POU5F1B: variants seen among roughly 807,000 people sequenced by gnomAD.
The protein encoded by POU5F1B is POU class 5 homeobox 1B, also known as POU domain, class 5, transcription factor 1B.
POU5F1B carries 24 observed loss-of-function variants against 28.1 expected under a neutral mutation model. The observed-to-expected ratio is 0.85, with a 90% CI of 0.62 to 1.20. The LOEUF (loss-of-function observed/expected upper bound fraction) is 1.20. Among genes scored for constraint, POU5F1B ranks in the 50% most tolerant of loss-of-function variants. The pLI is 0.00. For missense variants in POU5F1B, 451 were observed against 451.5 expected, an observed-to-expected ratio of 1.00 and a Z score of 0.01; for synonymous variants, 220 against 193.2, an observed-to-expected ratio of 1.14 and a Z score of -1.15.
chr8:127,416,743 C>T lies in POU5F1B; in HGVS notation c.877C>T (p.Gln293Ter). 1.9e-6 allele frequency: 3 copies of T among 1,609,160 alleles called. No individual in the cohort carries two copies. The highest frequency in any genetic ancestry group is 1.1e-5 in the South Asian group (1 of 90,192). ...CAAGCGATCAAGCAGCGACTATGCACAACGAGAGGATTTTGAGGCTGCTGG... is the reference window on the plus strand; with the variant it reads ...CAAGCGATCAAGCAGCGACTATGCATAACGAGAGGATTTTGAGGCTGCTGG... The change falls in exon 3 of 3, where the codon CAA becomes TAA. Residue 293 changes from glutamine to a stop codon, truncating the protein, a stop_gained. Coordinates refer to ENST00000465342, the Ensembl canonical transcript of POU5F1B. LOFTEE classifies it high-confidence loss of function.
At chr8:127,414,664 A>G (rs773186840) in intron 1 of POU5F1B, among the ~76,000 whole-genome samples, 17 of 152,344 alleles carry the variant, frequency 1.1e-4, no homozygotes, top group Non-Finnish European at 1.8e-4. Flanking sequence ...CCAATATTTG[A>G]GTGGCAGAGG....
exon 3 of POU5F1B, chr8:127,416,845 C>T: frequency 6.2e-7 from 1 of 1,602,788 alleles, no homozygotes; most frequent in South Asian, 1.1e-5. Flanking sequence ...CTATGGGAGC[C>T]CTCACTTCAC....
In POU5F1B at chr8:127,415,753, T is replaced by C. The variant is rs1477620622; in HGVS notation, c.-114T>C. ...ATTTAATGATGCTTCAGGCACTGTG[T>C]TCATTGCTAGTGAGCGTATGACACA... On this transcript the variant is annotated 5_prime_UTR_variant, in exon 3 of 3. Transcript: ENST00000465342. The C allele has an allele frequency of 9.8e-6, 14 of 1,426,956 alleles. No homozygotes were observed. The Admixed American group carries it at 4.2e-4, about 43-fold the overall frequency. 88.4% of individuals were successfully genotyped at this position (1,426,956 alleles called of 1,614,324 possible).
chr8:127,414,587 T>G (rs75678987), intron 1 of POU5F1B, among the ~76,000 whole-genome samples: 1 of 152,224 alleles, frequency 6.6e-6, no homozygotes, highest in Non-Finnish European at 1.5e-5. Flanking sequence ...TTACTCAATG[T>G]TTAAACATTT....
intron 1 of POU5F1B, among the ~76,000 whole-genome samples, chr8:127,414,078 G>T (rs1334639475): frequency 6.6e-6 from 1 of 152,224 alleles, no homozygotes; most frequent in Non-Finnish European, 1.5e-5. Flanking sequence ...GGGACTTAAG[G>T]TTGGCAGGAT....
intron 1 of POU5F1B, among the ~76,000 whole-genome samples, chr8:127,413,553 A>G (rs913352956): frequency 6.6e-6 from 1 of 152,198 alleles, no homozygotes; most frequent in African/African-American, 2.4e-5. Context: ...CGGATTCACA[A>G]TTTTTAGTTG....
chr8:127,416,803 C>T (rs1486349137), exon 3 of POU5F1B: 1 of 1,606,030 alleles, frequency 6.2e-7, no homozygotes, highest in Non-Finnish European at 8.5e-7. Context: ...GTCCTTTCCT[C>T]CGGCCCCAGG....
Position 127,416,949 on chromosome 8 carries a change from T to C in POU5F1B, c.*3T>C. 6.3e-7 allele frequency: 1 copy of C among 1,599,346 alleles called. No homozygotes were observed. The highest frequency in any genetic ancestry group is 8.5e-7 in the Non-Finnish European group (1 of 1,172,366). The stretch of plus-strand genomic sequence containing the variant: ...GCTCTCCCATGCATTCAAACTGAGG[T>C]GCCTGCCCTTCTAGGAATGGGGAAC... On this transcript the variant is annotated 3_prime_UTR_variant, in exon 3 of 3. Coordinates refer to ENST00000465342, the Ensembl canonical transcript of POU5F1B.
exon 3 of POU5F1B, chr8:127,415,844 G>T: frequency 2.0e-6 from 3 of 1,501,202 alleles, no homozygotes; most frequent in South Asian, 1.3e-5. Context: ...CCAGGCCCCC[G>T]GCTTGGGGCG....
chr8:127,417,084 G>A, exon 3 of POU5F1B: 2 of 1,218,628 alleles, frequency 1.6e-6, no homozygotes, highest in East Asian at 2.6e-5. Flanking sequence ...GGTGGGGGCA[G>A]GGGAGTTTGG....
At chr8:127,416,223 T>A (rs1199480583) in exon 3 of POU5F1B, 1 of 1,613,674 alleles carries the variant, frequency 6.2e-7, no homozygotes, top group African/African-American at 1.3e-5. Flanking sequence ...CCGTCCCCCC[T>A]GGTGCCGTGA....
exon 3 of POU5F1B, chr8:127,415,835 CA>C: frequency 6.7e-7 from 1 of 1,487,906 alleles, no homozygotes; most frequent in Non-Finnish European, 8.9e-7. Context: ...CTCATTTCAC[CA>C]GGCCCCCGGC....
At chr8:127,413,940 G>A (rs933075926) in intron 1 of POU5F1B, among the ~76,000 whole-genome samples, 3 of 151,982 alleles carry the variant, frequency 2.0e-5, no homozygotes, top group Non-Finnish European at 4.4e-5. Flanking sequence ...CAGGTCTAAA[G>A]GAACAGAAGT....
At chr8:127,416,569 A>C (rs2130628168) in exon 3 of POU5F1B, 1 of 1,605,902 alleles carries the variant, frequency 6.2e-7, no homozygotes, top group Non-Finnish European at 8.5e-7. Flanking sequence ...GAGAAAGCGA[A>C]CCAGTATCGA....
At chr8:127,416,600 T>C (rs781638445) in exon 3 of POU5F1B, 3 of 1,601,596 alleles carry the variant, frequency 1.9e-6, no homozygotes, top group Admixed American at 1.7e-5. Flanking sequence ...AGAGGCAACC[T>C]GGAGAATTTG....
At chr8:127,416,284 A>G in exon 3 of POU5F1B, 2 of 1,613,882 alleles carry the variant, frequency 1.2e-6, no homozygotes, top group Admixed American at 1.7e-5. Context: ...CCAGGACATC[A>G]AAGCTCTGCA....
exon 3 of POU5F1B, chr8:127,415,666 T>C: frequency 2.4e-6 from 2 of 842,808 alleles, no homozygotes; most frequent in Non-Finnish European, 3.3e-6. Flanking sequence ...TAATTGTCAA[T>C]TCACAGGTGA....
intron 1 of POU5F1B, among the ~76,000 whole-genome samples, chr8:127,414,049 A>C (rs1241260630): frequency 6.6e-6 from 1 of 152,242 alleles, no homozygotes; most frequent in East Asian, 1.9e-4. Context: ...TTGAGCAGAA[A>C]GTTATTACCC....
exon 3 of POU5F1B, chr8:127,416,888 G>A (rs1405021525): frequency 6.2e-7 from 1 of 1,600,414 alleles, no homozygotes; most frequent in African/African-American, 1.3e-5. Context: ...TTCCCTGAGG[G>A]GGAAGTCTTT....
Sources: gnomAD v4.1 joint callset for allele counts (sites outside exome capture counted in the v4.1 genomes callset) on GRCh38, gnomAD v4.1.1 for gene constraint, MANE v1.5 for transcripts, NCBI Gene and HGNC (gene_info 2026-07-23, HGNC 2026-07-21) for gene names.